The following ADCK1 variants were observed in gnomAD, a reference collection of about 807,000 sequenced individuals.
The protein encoded by ADCK1 is aarF domain-containing protein kinase 1.
ADCK1 carries 41 observed loss-of-function variants against 52.3 expected under a neutral mutation model. The ratio of observed to expected loss-of-function variants is 0.78; its 90% CI spans 0.61 to 1.02. The LOEUF is 1.02. ADCK1 is among the 50% of genes least tolerant of loss of function. The pLI is 0.00. For missense variants in ADCK1, 658 were observed against 679.5 expected (o/e 0.97, Z 0.35); for synonymous variants, 250 against 274.6 (o/e 0.91, Z 0.89).
intron 3 of ADCK1, among the ~76,000 whole-genome samples, chr14:77,854,036 A>G (rs1402787792): frequency 6.6e-6 from 1 of 152,098 alleles, no homozygotes; most frequent in East Asian, 1.9e-4. Flanking sequence ...GCCTAATGTC[A>G]AGTGTCTTGA....
At chr14:77,807,797 C>T (rs2081262122) in intron 1 of ADCK1, among the ~76,000 whole-genome samples, 1 of 152,166 alleles carries the variant, frequency 6.6e-6, no homozygotes, top group African/African-American at 2.4e-5. Context: ...GCGTGAACCA[C>T]CATGCCCGGC....
rs2084184960 is a variant in ADCK1 at position 77,925,971 on chromosome 14, C to T, written c.1206+10C>T. On this transcript the variant is annotated intron_variant, in intron 9 of 10. Transcript: ENST00000238561. ...CGTCACTGCCACTGAGGTAGGGGGC[C>T]CCTCCAGGCCCTGCCTCTTCCTAAA... The T allele has an allele frequency of 3.1e-6, 5 of 1,613,470 alleles. No individual in the cohort carries two copies. Among genetic ancestry groups the T allele is most frequent in the Non-Finnish European group, 4.2e-6 (5 of 1,180,036 alleles).
chr14:77,864,009 G>A (rs921231469), intron 4 of ADCK1, among the ~76,000 whole-genome samples: 8 of 152,086 alleles, frequency 5.3e-5, no homozygotes, highest in South Asian at 4.2e-4. Flanking sequence ...GTGTCTGGGT[G>A]GTGTGGTTTG....
chr14:77,815,802 C>T (rs976922777), intron 1 of ADCK1, among the ~76,000 whole-genome samples: 8 of 149,270 alleles, frequency 5.4e-5, no homozygotes, highest in Admixed American at 2.0e-4. Flanking sequence ...CAGGTGTGAG[C>T]CACCGCACCT....
chr14:77,834,670 C>T (rs968194102), intron 3 of ADCK1, among the ~76,000 whole-genome samples: 6 of 152,242 alleles, frequency 3.9e-5, no homozygotes, highest in Non-Finnish European at 2.9e-5. Context: ...CCATTCTGAT[C>T]AGCACACAGT....
intron 3 of ADCK1, among the ~76,000 whole-genome samples, chr14:77,851,926 A>G (rs2082292071): frequency 6.6e-6 from 1 of 151,972 alleles, no homozygotes; most frequent in African/African-American, 2.4e-5. Flanking sequence ...GTTCCCTTAT[A>G]TAGATTCATA....
intron 4 of ADCK1, among the ~76,000 whole-genome samples, chr14:77,878,901 G>A (rs1327283746): frequency 2.7e-5 from 4 of 148,552 alleles, no homozygotes; most frequent in African/African-American, 9.8e-5. Context: ...GCTTAAACTG[G>A]GAGGTCTGAT....
intron 3 of ADCK1, among the ~76,000 whole-genome samples, chr14:77,824,223 A>G (rs1566639049): frequency 1.3e-5 from 2 of 152,008 alleles, no homozygotes. Context: ...TTTTCCCCAA[A>G]ATATTTAAAT....
At chr14:77,932,847 A>T (rs2084371555) in intron 10 of ADCK1, among the ~76,000 whole-genome samples, 1 of 152,180 alleles carries the variant, frequency 6.6e-6, no homozygotes, top group Non-Finnish European at 1.5e-5. Flanking sequence ...AGTGATTCTT[A>T]TCCTTAGAAA....
chr14:77,931,527 A>AT lies in ADCK1; in HGVS notation c.1218dup (p.Arg407SerfsTer36). On this transcript the variant is annotated frameshift_variant, in exon 10 of 11. Coordinates refer to ENST00000238561, the MANE Select transcript of ADCK1 (RefSeq NM_020421.4). LOFTEE classifies it high-confidence loss of function. ...CCCATTGCTGCTTCAGGACTTAGAG[A>AT]TTCGCAACAACGCGGCCAACTACCT... is the stretch of plus-strand genomic sequence containing the variant. The AT allele has an allele frequency of 6.2e-7, 1 of 1,613,198 alleles. No homozygotes were observed. The highest frequency in any genetic ancestry group is 1.3e-5 in the African/African-American group (1 of 75,014).
intron 1 of ADCK1, among the ~76,000 whole-genome samples, chr14:77,802,483 C>G (rs1177350286): frequency 6.6e-6 from 1 of 151,904 alleles, no homozygotes; most frequent in Admixed American, 6.6e-5. Context: ...CAGAGTGTTG[C>G]TCTGTCGCCC....
intron 7 of ADCK1, among the ~76,000 whole-genome samples, chr14:77,920,580 G>A (rs563540452): frequency 4.5e-4 from 69 of 152,244 alleles, no homozygotes; most frequent in South Asian, 1.0e-3. Context: ...TGGCTATGTG[G>A]ACTTGCCCCC....
chr14:77,850,185 A>T (rs1361023060), intron 3 of ADCK1, among the ~76,000 whole-genome samples: 1 of 151,060 alleles, frequency 6.6e-6, no homozygotes, highest in Admixed American at 6.6e-5. Context: ...TCAGCCTAGG[A>T]GACACAGTAA....
At chr14:77,812,217 C>T (rs1314735875) in intron 1 of ADCK1, among the ~76,000 whole-genome samples, 2 of 152,132 alleles carry the variant, frequency 1.3e-5, no homozygotes, top group African/African-American at 4.8e-5. Flanking sequence ...CCATGTTGTA[C>T]ATTAGAGTCC....
chr14:77,830,466 T>TA (rs1310199104), intron 3 of ADCK1, among the ~76,000 whole-genome samples: 2 of 150,566 alleles, frequency 1.3e-5, no homozygotes, highest in Non-Finnish European at 3.0e-5. Flanking sequence ...ATTTTTTTTT[T>TA]AATTAAATAT....
intron 1 of ADCK1, among the ~76,000 whole-genome samples, chr14:77,800,884 G>A (rs1032383693): frequency 6.6e-6 from 1 of 152,208 alleles, no homozygotes; most frequent in Non-Finnish European, 1.5e-5. Context: ...AGAAATATTT[G>A]CAGAGTTGAA....
At chr14:77,909,035 G>A (rs1485132674) in intron 7 of ADCK1, among the ~76,000 whole-genome samples, 1 of 152,070 alleles carries the variant, frequency 6.6e-6, no homozygotes, top group Non-Finnish European at 1.5e-5. Flanking sequence ...GAGGCACTGT[G>A]GAGTCACTTC....
chr14:77,824,420 C>T (rs1000340335), intron 3 of ADCK1, among the ~76,000 whole-genome samples: 5 of 148,198 alleles, frequency 3.4e-5, no homozygotes, highest in African/African-American at 1.3e-4. Flanking sequence ...CTTTTCCTTT[C>T]TTTCTTTCTT....
chr14:77,860,270 C>T (rs1394383098), intron 4 of ADCK1, among the ~76,000 whole-genome samples: 2 of 152,210 alleles, frequency 1.3e-5, no homozygotes, highest in African/African-American at 4.8e-5. Context: ...AGTCCTTTTA[C>T]TCTGTATTTA....
Sources: allele counts gnomAD v4.1 joint callset (sites outside exome capture counted in the v4.1 genomes callset), GRCh38; gene constraint gnomAD v4.1.1; transcripts MANE v1.5; gene names NCBI Gene and HGNC (gene_info 2026-07-23, HGNC 2026-07-21).